The following RPGR variants were observed in gnomAD, a reference collection of about 807,000 sequenced individuals.
The protein encoded by RPGR is retinitis pigmentosa GTPase regulator, also known as X-linked retinitis pigmentosa GTPase regulator.
A neutral mutation model predicts 56.3 loss-of-function variants in RPGR; 10 were observed. The observed-to-expected ratio is 0.18, with a 90% confidence interval of 0.11 to 0.30. RPGR has a LOEUF of 0.30. Ranked by LOEUF, RPGR falls within the 10% of genes least tolerant of loss-of-function variation. The probability of loss-of-function intolerance (pLI) is 1.00; values close to 1 mark genes in which losing one functional copy is unlikely to be tolerated. For synonymous variants in RPGR, 197 were observed against 212.9 expected, an observed-to-expected ratio of 0.93 and a Z score of 0.65; for missense variants, 538 against 590.9, an observed-to-expected ratio of 0.91 and a Z score of 0.93.
intron 1 of RPGR, among the ~76,000 whole-genome samples, chrX:38,325,149 G>T (rs773157489): frequency 2.0e-4 from 20 of 98,692 alleles, no homozygotes; most frequent in African/African-American, 6.6e-4. Context: ...AAGCCTGGGC[G>T]ACAGTGTGAC....
intron 6 of RPGR, among the ~76,000 whole-genome samples, chrX:38,311,795 C>T (rs2067723668): frequency 1.8e-5 from 2 of 110,873 alleles, no homozygotes; most frequent in African/African-American, 6.6e-5. Flanking sequence ...GCCTACATGA[C>T]CAGCCCCCTA....
At chrX:38,311,394 A>T (rs1434556556) in intron 6 of RPGR, among the ~76,000 whole-genome samples, 1 of 112,198 alleles carries the variant, frequency 8.9e-6, no homozygotes, top group African/African-American at 3.2e-5. Flanking sequence ...TGAAAGCAAG[A>T]ACTTTCTTAT....
At position 38,275,193 on chromosome X, in the gene RPGR, T is replaced by C. The variant is rs770144431; in HGVS notation, c.2092-47A>G. ...TATAACAAAAAATATTTTTGTGCTG[T>C]TCTAGAAAACTTAAGTCTGAATCTT... is the stretch of plus-strand genomic sequence containing the variant. On this transcript the variant is annotated intron_variant, in intron 16 of 18. Transcript: ENST00000642395. The C allele has an allele frequency of 2.7e-6, 3 of 1,096,681 alleles. 1 individual carries two copies. The highest frequency in any genetic ancestry group is 3.8e-6 in the Non-Finnish European group (3 of 792,890). The allele number at this position is 1,096,681 out of a possible 1,213,427, so 90.4% of individuals were successfully genotyped here. A position where few individuals can be genotyped will look rare whatever the true frequency, so the allele number is the denominator to read the frequency against.
intron 15 of RPGR, among the ~76,000 whole-genome samples, chrX:38,280,237 C>G (rs766713686): frequency 7.2e-4 from 80 of 111,859 alleles, no homozygotes; most frequent in Non-Finnish European, 1.2e-3. Context: ...GAGGCCCCTC[C>G]ATAAAAAGTA....
chrX:38,282,871 G>A (rs1459679052), intron 15 of RPGR, among the ~76,000 whole-genome samples: 2 of 110,630 alleles, frequency 1.8e-5, no homozygotes, highest in Non-Finnish European at 3.8e-5. Context: ...GTCCTCATTA[G>A]GAAATGTAAC....
intron 9 of RPGR, 124 bp from the exon 10 acceptor site, chrX:38,299,265 ATCTC>A (rs1211571887): frequency 2.1e-5 from 14 of 669,264 alleles, no homozygotes; most frequent in African/African-American, 6.5e-5. Flanking sequence ...GGCTTGGTGA[ATCTC>A]TCTGTCTATA....
At chrX:38,299,402 T>C (rs1441612209) in intron 9 of RPGR, among the ~76,000 whole-genome samples, 1 of 112,345 alleles carries the variant, frequency 8.9e-6, no homozygotes. Context: ...CATTTTACTT[T>C]CAATTTAAAA....
chrX:38,297,713 T>G (rs190647902), intron 10 of RPGR, among the ~76,000 whole-genome samples: 59 of 111,144 alleles, frequency 5.3e-4, no homozygotes, highest in African/African-American at 1.8e-3. Flanking sequence ...TTCTCTACAC[T>G]CCCTAAGAAA....
chrX:38,279,182 A>C (rs1054678167), intron 15 of RPGR: 8 of 329,861 alleles, frequency 2.4e-5, no homozygotes, highest in Non-Finnish European at 4.1e-5. Flanking sequence ...AAACTGAAAC[A>C]ATTTGGGAGT....
At chrX:38,314,824 A>G (rs959300566) in intron 6 of RPGR, among the ~76,000 whole-genome samples, 5 of 112,092 alleles carry the variant, frequency 4.5e-5, no homozygotes, top group Non-Finnish European at 9.4e-5. Context: ...CTGTATTTTT[A>G]TTAGGAAATA....
chrX:38,320,905 A>T (rs1191678206), intron 4 of RPGR, 122 bp downstream of exon 4: 3 of 564,539 alleles, frequency 5.3e-6, no homozygotes, highest in African/African-American at 4.6e-5. Context: ...TTGACATTTT[A>T]AAAAACCCTA....
chrX:38,284,531 G>A, intron 15 of RPGR: 2 of 748,423 alleles, frequency 2.7e-6, no homozygotes, highest in Non-Finnish European at 3.2e-6. Context: ...CTCTGATAAA[G>A]TACAGTTAAA....
intron 9 of RPGR, among the ~76,000 whole-genome samples, chrX:38,299,605 T>C (rs1002134148): frequency 9.0e-6 from 1 of 111,215 alleles, no homozygotes; most frequent in African/African-American, 3.3e-5. Flanking sequence ...GAACATTTTC[T>C]AAGTTTAATG....
In RPGR at chrX:38,306,181, T is replaced by G. The variant is rs1052495383; in HGVS notation, c.779-1391A>C. Among the ~76,000 whole-genome samples, 4 of 111,700 alleles carry G rather than the reference T, an allele frequency of 3.6e-5. No homozygotes were observed. The Admixed American group carries it at 3.8e-4, about 11-fold the overall frequency. The stretch of plus-strand genomic sequence containing the variant: ...CTTTGAGTTTAGTACATTGAGTTTC[T>G]CCTATTACAGCAGGAAGGGCAAGAG... On this transcript the variant is annotated intron_variant, in intron 7 of 18. Transcript: ENST00000642395.
intron 9 of RPGR, among the ~76,000 whole-genome samples, chrX:38,299,840 T>C (rs1011802541): frequency 2.7e-5 from 3 of 111,921 alleles, no homozygotes; most frequent in Non-Finnish European, 5.6e-5. Flanking sequence ...TAAATTTATA[T>C]ATATTTTTGT....
At chrX:38,317,278 AG>A (rs755358806) in intron 6 of RPGR, 37 bp downstream of exon 6, 2 of 1,142,583 alleles carry the variant, frequency 1.8e-6, no homozygotes, top group Non-Finnish European at 2.4e-6. Context: ...ACAACATAGA[AG>A]TGGGAGATAA....
intron 7 of RPGR, 82 bp downstream of exon 7, chrX:38,310,533 G>T: frequency 1.1e-6 from 1 of 882,069 alleles, no homozygotes; most frequent in South Asian, 2.2e-5. Context: ...ATAAAAAAAT[G>T]AACATAAAAA....
At chrX:38,323,648 A>G (rs766425419) in intron 1 of RPGR, 124 bp from the exon 2 acceptor site, 3 of 708,386 alleles carry the variant, frequency 4.2e-6, no homozygotes, top group Non-Finnish European at 6.4e-6. Context: ...CACTCTGGCA[A>G]TGTTTAAGCC....
intron 9 of RPGR, among the ~76,000 whole-genome samples, 166 bp downstream of exon 9, chrX:38,301,081 G>C (rs929955708): frequency 3.6e-5 from 4 of 111,549 alleles, no homozygotes; most frequent in African/African-American, 1.3e-4. Context: ...CACATTTTCT[G>C]AATGGCATAA....
Sources: gnomAD v4.1 joint callset for allele counts (sites outside exome capture counted in the v4.1 genomes callset) on GRCh38, gnomAD v4.1.1 for gene constraint, MANE v1.5 for transcripts, NCBI Gene and HGNC (gene_info 2026-07-23, HGNC 2026-07-21) for gene names.